The following ZNF850 variants were observed in gnomAD, a reference collection of about 807,000 sequenced individuals.
ZNF850 encodes the protein putative zinc finger protein ENSP00000330994.
ZNF850 carries 2 observed loss-of-function variants against 11.9 expected under a neutral mutation model. The observed-to-expected ratio is 0.17, with a 90% CI of 0.07 to 0.53. The LOEUF is 0.53. Among genes scored for constraint, ZNF850 ranks in the 20% least tolerant of loss-of-function variants. The pLI, the probability that ZNF850 is intolerant of heterozygous loss-of-function variation, is 0.94. For synonymous variants in ZNF850, 381 were observed against 443.0 expected (o/e 0.86, Z 1.76); for missense variants, 1,014 against 1,316.4 (o/e 0.77, Z 3.55).
chr19:36,748,226 T>C lies in ZNF850; in HGVS notation c.2814A>G (p.Ser938=). The C allele has an allele frequency of 6.4e-7, 1 of 1,552,360 alleles. No individual in the cohort carries two copies. The highest frequency in any genetic ancestry group is 1.2e-5 in the South Asian group (1 of 84,748). ...HECGKAFVRF[S]GLTKHHSIHT... is the part of the protein sequence containing the mutation. ...GAATACTGTGATGTTTGGTGAGTCC[T>C]GAGAAACGGACAAAGGCTTTTCCAC... Residue 938 remains serine, a synonymous_variant, in exon 5 of 5, where the codon TCA becomes TCG. Transcript: ENST00000591344.
intron 1 of ZNF850, among the ~76,000 whole-genome samples, chr19:36,770,339 T>C (rs117667468): frequency 0.088 from 13,379 of 152,244 alleles, 803 homozygotes; most frequent in Non-Finnish European, 0.13. Flanking sequence ...CTCAACCCTC[T>C]AATCCTGCCT....
In ZNF850 at chr19:36,748,560, G is replaced by C; in HGVS notation, c.2480C>G (p.Ala827Gly). ...GTGAACTGGCCGATGTTGAATTAGTGCTGAGCGAAGAGTAAAAGATTTCCC... is the reference window on the plus strand; with the variant it reads ...GTGAACTGGCCGATGTTGAATTAGTCCTGAGCGAAGAGTAAAAGATTTCCC... ...ECGKSFTLRS[A>G]LIQHRPVHTG... Residue 827 changes from alanine (A) to glycine (G), a missense_variant, in exon 5 of 5, where the codon GCA (alanine) becomes GGA (glycine). Physicochemically the swap from Ala to Gly is moderately conservative, Grantham distance 60. Around this residue, in one of 2 missense-constraint regions of ZNF850, gnomAD observed 835 missense variants for 1,022.0 expected, o/e 0.82. Transcript: ENST00000591344. The C allele has an allele frequency of 6.5e-7, 1 of 1,536,956 alleles. No individual in the cohort carries two copies. The highest frequency in any genetic ancestry group is 8.7e-7 in the Non-Finnish European group (1 of 1,146,910).
chr19:36,761,547 A>G, intron 4 of ZNF850, 96 bp downstream of exon 4: 1 of 598,082 alleles, frequency 1.7e-6, no homozygotes, highest in South Asian at 2.5e-5. Context: ...GACCTTGAAG[A>G]AGAGACTCCT....
At chr19:36,762,228 C>T (rs558483086) in intron 3 of ZNF850, 77 bp downstream of exon 3, 2 of 1,261,044 alleles carry the variant, frequency 1.6e-6, no homozygotes, top group African/African-American at 1.5e-5. Context: ...ATTCCCTAGG[C>T]AACAGGTGAA....
chr19:36,770,872 A>G (rs1350270030), intron 1 of ZNF850, among the ~76,000 whole-genome samples: 1 of 152,186 alleles, frequency 6.6e-6, no homozygotes, highest in Admixed American at 6.6e-5. Context: ...AACTGGCCCA[A>G]GCATTTACTC....
At chr19:36,761,173 C>T (rs1456214769) in intron 4 of ZNF850, among the ~76,000 whole-genome samples, 2 of 151,724 alleles carry the variant, frequency 1.3e-5, no homozygotes, top group Non-Finnish European at 3.0e-5. Flanking sequence ...GGCGCAGTGG[C>T]TCACACCTGT....
intron 1 of ZNF850, among the ~76,000 whole-genome samples, chr19:36,769,276 A>AAAAAGAAAGAAAG (rs1555812486): frequency 7.1e-5 from 8 of 113,182 alleles, no homozygotes; most frequent in Admixed American, 5.5e-4. Context: ...AAAAAAAAAA[A>AAAAAGAAAGAAAG]AAAGAAAGAA....
At chr19:36,758,009 A>G (rs181651190) in intron 4 of ZNF850, among the ~76,000 whole-genome samples, 37 of 152,276 alleles carry the variant, frequency 2.4e-4, no homozygotes, top group Non-Finnish European at 4.4e-4. Context: ...TTTCATTTTA[A>G]TTTCAATTAC....
chr19:36,762,397 A>C lies in ZNF850; in HGVS notation c.47T>G (p.Phe16Cys). Reference sequence around the variant, plus strand: ...CAGGCACTCCCATTCCTCCTGAGAGAAGTCTATAGACAGATCCTGGAACAT... The same window carrying C: ...CAGGCACTCCCATTCCTCCTGAGAGCAGTCTATAGACAGATCCTGGAACAT... Reference protein sequence around the residue: ...LVMFQDLSIDFSQEEWECLDA... With the variant: ...LVMFQDLSIDCSQEEWECLDA... The change falls in exon 3 of 5, where the codon TTC becomes TGC. Residue 16 changes from phenylalanine to cysteine, a missense_variant. Transcript: ENST00000591344. 1 of 1,582,940 alleles carries C rather than the reference A, an allele frequency of 6.3e-7. No individual in the cohort carries two copies. Among genetic ancestry groups the C allele is most frequent in the Non-Finnish European group, 8.5e-7 (1 of 1,171,094 alleles).
Position 36,748,083 on chromosome 19 carries a change from C to T in ZNF850, c.2957G>A (p.Cys986Tyr). The T allele has an allele frequency of 6.4e-7, 1 of 1,555,316 alleles. No homozygotes were observed. The highest frequency in any genetic ancestry group is 8.7e-7 in the Non-Finnish European group (1 of 1,153,666). The change falls in exon 5 of 5, where the codon TGT becomes TAT. Residue 986 changes from cysteine to tyrosine, a missense_variant. Physicochemically the swap from Cys to Tyr is radical, Grantham distance 194. Coordinates refer to ENST00000591344, the MANE Select transcript of ZNF850 (RefSeq NM_001193552.2). ...TGDRPYECKE[C>Y]GKSFTCGSEL... ...TGAGCCGCAAGTAAAAGATTTCCCA[C>T]ATTCTTTACATTCATAAGGTCTGTC...
chr19:36,756,379 TTTTCCC>T (rs2040486531), intron 4 of ZNF850, among the ~76,000 whole-genome samples: 1 of 152,212 alleles, frequency 6.6e-6, no homozygotes, highest in African/African-American at 2.4e-5. Flanking sequence ...GGAGTGTTTC[TTTTCCC>T]AAGTTGATGC....
chr19:36,772,083 T>C (rs2040588252), intron 1 of ZNF850, among the ~76,000 whole-genome samples: 1 of 152,136 alleles, frequency 6.6e-6, no homozygotes, highest in African/African-American at 2.4e-5. Context: ...AGCGACTATT[T>C]CGTGGAAGCC....
At position 36,762,427 on chromosome 19, in the gene ZNF850, A is replaced by G; in HGVS notation, c.17T>C (p.Leu6Ser). The G allele has an allele frequency of 6.4e-7, 1 of 1,561,666 alleles. No homozygotes were observed. Among genetic ancestry groups the G allele is most frequent in the Non-Finnish European group, 8.6e-7 (1 of 1,161,652 alleles). Residue 6 changes from leucine to serine, a missense_variant, in exon 3 of 5, where the codon TTG becomes TCG. Around this residue, in one of 2 missense-constraint regions of ZNF850, gnomAD observed 835 missense variants for 1,022.0 expected, o/e 0.82. Coordinates refer to ENST00000591344, the MANE Select transcript of ZNF850 (RefSeq NM_001193552.2). Reference protein sequence around the residue: MNMEGLVMFQDLSIDF... With the variant: MNMEGSVMFQDLSIDF... Reference sequence around the variant, plus strand: ...TATAGACAGATCCTGGAACATGACCAACCCCTGAAATGACAAACCCATGCA... The same window carrying G: ...TATAGACAGATCCTGGAACATGACCGACCCCTGAAATGACAAACCCATGCA...
chr19:36,758,314 A>T (rs2040499099), intron 4 of ZNF850, among the ~76,000 whole-genome samples: 1 of 152,198 alleles, frequency 6.6e-6, no homozygotes, highest in Non-Finnish European at 1.5e-5. Context: ...TAAAAATGGG[A>T]AAAAATTAAA....
Position 36,748,448 on chromosome 19 carries a change from A to C in ZNF850, c.2592T>G (p.Thr864=), listed in dbSNP as rs1471213412. ...CCTTACAATGATAGGGTTTCTCACCAGTGTGAATTCGCTGATGTTCAATTA... is the reference window on the plus strand; with the variant it reads ...CCTTACAATGATAGGGTTTCTCACCCGTGTGAATTCGCTGATGTTCAATTA... The part of the protein sequence containing the change: ...STLIEHQRIH[T]GEKPYHCKEC... Residue 864 remains threonine, a synonymous_variant, in exon 5 of 5, where the codon ACT becomes ACG. Transcript: ENST00000591344. The C allele has an allele frequency of 1.9e-6, 3 of 1,556,278 alleles. No individual in the cohort carries two copies. Among genetic ancestry groups the C allele is most frequent in the Non-Finnish European group, 2.6e-6 (3 of 1,156,008 alleles).
chr19:36,751,198 C>T (rs2040452070), intron 4 of ZNF850, among the ~76,000 whole-genome samples: 1 of 151,578 alleles, frequency 6.6e-6, no homozygotes, highest in Non-Finnish European at 1.5e-5. Flanking sequence ...GAACTCCAGT[C>T]TAATCACTGG....
chr19:36,749,061 A>G lies in ZNF850; in HGVS notation c.1979T>C (p.Leu660Pro). ...AGTGTGAATTCTGTGATGTTGGGTG[A>G]GTCCTGAGACACTGACAAAGGCTTT... ...CGKAFVSVSG[L>P]TQHHRIHTGE... The change falls in exon 5 of 5, where the codon CTC becomes CCC. Residue 660 changes from leucine (L) to proline (P), a missense_variant. Transcript: ENST00000591344. 1 of 1,606,518 alleles carries G rather than the reference A, an allele frequency of 6.2e-7. No individual in the cohort carries two copies.
intron 1 of ZNF850, among the ~76,000 whole-genome samples, chr19:36,763,967 C>A (rs1568739012): frequency 6.6e-6 from 1 of 151,898 alleles, no homozygotes; most frequent in Non-Finnish European, 1.5e-5. Context: ...CAAACAAAGG[C>A]CAGGTGTGAT....
intron 4 of ZNF850, among the ~76,000 whole-genome samples, chr19:36,760,899 T>C (rs1293127796): frequency 6.6e-6 from 1 of 151,708 alleles, no homozygotes; most frequent in African/African-American, 2.4e-5. Context: ...CATTGATGCA[T>C]GAAATGTCTG....
Sources: allele counts gnomAD v4.1 joint callset (sites outside exome capture counted in the v4.1 genomes callset), GRCh38; gene constraint gnomAD v4.1.1; regional missense constraint gnomAD v4.1.1; transcripts MANE v1.5; gene names NCBI Gene and HGNC (gene_info 2026-07-23, HGNC 2026-07-21).